Variants in GPC5 observed in about 807,000 individuals in gnomAD.
The protein encoded by GPC5 is glypican-5.
In GPC5, 47 loss-of-function variants were observed where a neutral mutation model predicts 53.9. That is an observed-to-expected ratio of 0.87 (90% confidence interval 0.69 to 1.11). The LOEUF is 1.11. GPC5 is among the 50% of genes most tolerant of loss of function. The probability of loss-of-function intolerance (pLI) is 0.00; values close to 1 mark genes in which losing one functional copy is unlikely to be tolerated. For missense variants in GPC5, 748 were observed against 713.1 expected, an observed-to-expected ratio of 1.05 and a Z score of -0.56; for synonymous variants, 286 against 263.3, an observed-to-expected ratio of 1.09 and a Z score of -0.84.
At chr13:92,854,286 TATAGAA>T (rs1267911850) in intron 7 of GPC5, among the ~76,000 whole-genome samples, 4 of 142,774 alleles carry the variant, frequency 2.8e-5, no homozygotes, top group Admixed American at 2.8e-4. Context: ...CCTATATATA[TATAGAA>T]AAATATATAT....
At position 92,773,618 on chromosome 13, in the gene GPC5, T is replaced by C. The variant is rs571657512; in HGVS notation, c.1562-92664T>C. On this transcript the variant is annotated intron_variant, in intron 7 of 7. Transcript: ENST00000377067. The stretch of plus-strand genomic sequence containing the variant: ...AAAGTATCTTCCACACTTATAAATG[T>C]ATTATACCAGCTTATTAGGCCTTCT... 2.6e-5 allele frequency among the ~76,000 whole-genome samples: 4 copies of C among 152,316 alleles called. No homozygotes were observed. In the South Asian group the frequency reaches 6.2e-4, roughly 24 times the overall value.
chr13:92,777,114 G>C (rs866769559), intron 7 of GPC5, among the ~76,000 whole-genome samples: 1 of 149,304 alleles, frequency 6.7e-6, no homozygotes, highest in Non-Finnish European at 1.5e-5. Context: ...GGTAGATCAC[G>C]AGGTCAGGAG....
intron 7 of GPC5, among the ~76,000 whole-genome samples, chr13:92,359,513 C>G (rs998369611): frequency 2.6e-5 from 4 of 151,640 alleles, no homozygotes; most frequent in African/African-American, 7.3e-5. Flanking sequence ...AGAAATACCC[C>G]ACTCCCAGTA....
At chr13:91,876,159 A>G (rs906453407) in intron 5 of GPC5, among the ~76,000 whole-genome samples, 6 of 152,162 alleles carry the variant, frequency 3.9e-5, no homozygotes, top group African/African-American at 1.2e-4. Context: ...GTGGAACTGT[A>G]AGTCCACTTA....
chr13:91,965,832 A>G (rs2040175578), intron 6 of GPC5, among the ~76,000 whole-genome samples: 1 of 152,228 alleles, frequency 6.6e-6, no homozygotes, highest in African/African-American at 2.4e-5. Flanking sequence ...TGTTTTTCCT[A>G]ATATAATTAT....
At chr13:92,069,687 A>G (rs182191872) in intron 6 of GPC5, among the ~76,000 whole-genome samples, 1 of 152,208 alleles carries the variant, frequency 6.6e-6, no homozygotes, top group Admixed American at 6.5e-5. Context: ...ATATATAATA[A>G]TGGCTTCATT....
At chr13:92,820,570 A>C (rs538574992) in intron 7 of GPC5, among the ~76,000 whole-genome samples, 1 of 152,106 alleles carries the variant, frequency 6.6e-6, no homozygotes, top group East Asian at 1.9e-4. Flanking sequence ...CAAAACTCAC[A>C]ACGCCTTCGT....
At chr13:92,408,957 T>C (rs1875924065) in intron 7 of GPC5, among the ~76,000 whole-genome samples, 1 of 152,090 alleles carries the variant, frequency 6.6e-6, no homozygotes, top group Non-Finnish European at 1.5e-5. Context: ...ATCAGGTATA[T>C]AGCTTGTGAT....
At chr13:91,993,358 C>A (rs2040474340) in intron 6 of GPC5, among the ~76,000 whole-genome samples, 1 of 149,060 alleles carries the variant, frequency 6.7e-6, no homozygotes, top group Non-Finnish European at 1.5e-5. Context: ...CTGCGTATAC[C>A]TTTTTTTTTT....
At chr13:92,386,843 C>G (rs1436320754) in intron 7 of GPC5, among the ~76,000 whole-genome samples, 3 of 152,078 alleles carry the variant, frequency 2.0e-5, no homozygotes, top group African/African-American at 7.2e-5. Flanking sequence ...AAAATACTCT[C>G]TGCTATAGCC....
At chr13:91,647,401 A>G (rs968138716) in intron 2 of GPC5, among the ~76,000 whole-genome samples, 5 of 152,152 alleles carry the variant, frequency 3.3e-5, no homozygotes, top group African/African-American at 1.2e-4. Flanking sequence ...ATTTAATAGA[A>G]CCTTTTAGAT....
chr13:92,835,774 T>A (rs552174255), intron 7 of GPC5, among the ~76,000 whole-genome samples: 1 of 152,130 alleles, frequency 6.6e-6, no homozygotes, highest in Non-Finnish European at 1.5e-5. Context: ...ATCATGAGAC[T>A]CTTAAAGCTC....
intron 7 of GPC5, among the ~76,000 whole-genome samples, chr13:92,606,399 C>T (rs555999246): frequency 6.6e-6 from 1 of 152,230 alleles, no homozygotes; most frequent in African/African-American, 2.4e-5. Context: ...CATCCATGTC[C>T]CTACAAAGGA....
At chr13:92,720,764 C>T (rs1415570219) in intron 7 of GPC5, among the ~76,000 whole-genome samples, 2 of 152,132 alleles carry the variant, frequency 1.3e-5, no homozygotes, top group South Asian at 2.1e-4. Flanking sequence ...AGATAAACTT[C>T]GCTGTTCTAC....
At chr13:92,297,048 C>A (rs911309142) in intron 7 of GPC5, among the ~76,000 whole-genome samples, 2 of 152,362 alleles carry the variant, frequency 1.3e-5, no homozygotes, top group Non-Finnish European at 1.5e-5. Flanking sequence ...CTGAGGAATG[C>A]AAGCGCATGG....
At chr13:91,580,121 G>A (rs2032302993) in intron 2 of GPC5, among the ~76,000 whole-genome samples, 1 of 152,162 alleles carries the variant, frequency 6.6e-6, no homozygotes, top group African/African-American at 2.4e-5. Context: ...CGCAATCGCG[G>A]CTCACTGCAA....
At chr13:92,846,696 T>A (rs1878623804) in intron 7 of GPC5, among the ~76,000 whole-genome samples, 2 of 152,212 alleles carry the variant, frequency 1.3e-5, no homozygotes, top group South Asian at 4.1e-4. Flanking sequence ...CATCTGGTGG[T>A]AAGTGACAGT....
intron 1 of GPC5, among the ~76,000 whole-genome samples, chr13:91,425,199 T>C (rs1313295225): frequency 6.6e-6 from 1 of 152,234 alleles, no homozygotes; most frequent in Non-Finnish European, 1.5e-5. Flanking sequence ...GCAGAACTTT[T>C]CTCTAAGACA....
chr13:92,655,655 G>A (rs1566345616), intron 7 of GPC5, among the ~76,000 whole-genome samples: 1 of 152,100 alleles, frequency 6.6e-6, no homozygotes, highest in East Asian at 1.9e-4. Flanking sequence ...GCCACTTTTG[G>A]AGTATCAAGA....
Sources: allele counts gnomAD v4.1 joint callset (sites outside exome capture counted in the v4.1 genomes callset), GRCh38; gene constraint gnomAD v4.1.1; transcripts MANE v1.5; gene names NCBI Gene and HGNC (gene_info 2026-07-23, HGNC 2026-07-21).